The following KLF12 variants were observed in gnomAD, a reference collection of about 807,000 sequenced individuals.
KLF12 encodes the protein KLF transcription factor 12.
A neutral mutation model predicts 37.8 loss-of-function variants in KLF12; 9 were observed. The ratio of observed to expected loss-of-function variants is 0.24; its 90% CI spans 0.14 to 0.42. KLF12 has a LOEUF of 0.42. Ranked by LOEUF, KLF12 falls within the 10% of genes least tolerant of loss-of-function variation. KLF12 has a pLI of 1.00. For missense variants in KLF12, 411 were observed against 516.0 expected (o/e 0.80, Z 1.97); for synonymous variants, 208 against 202.1 (o/e 1.03, Z -0.25).
At chr13:74,134,735 G>C (rs958098889), upstream of KLF12, among the ~76,000 whole-genome samples, 27 of 152,148 alleles carry the variant, frequency 1.8e-4, no homozygotes, top group African/African-American at 6.5e-4. Flanking sequence ...GACTCGCGCC[G>C]AGCCGCGAGA....
the KLF12 span, among the ~76,000 whole-genome samples, chr13:74,303,947 C>T: frequency 5.3e-5 from 8 of 152,008 alleles, no homozygotes; most frequent in East Asian, 1.9e-4. Flanking sequence ...CTGTCTTGTG[C>T]GGCACAGTTG....
At chr13:74,224,881 A>G in the KLF12 span, among the ~76,000 whole-genome samples, 1 of 152,204 alleles carries the variant, frequency 6.6e-6, no homozygotes, top group Non-Finnish European at 1.5e-5. Context: ...TTTAATCTGC[A>G]TTATTACTTG....
intron 3 of KLF12, among the ~76,000 whole-genome samples, chr13:73,855,742 C>T: frequency 6.6e-6 from 1 of 152,080 alleles, no homozygotes; most frequent in Non-Finnish European, 1.5e-5. Context: ...CTCTGGGGGT[C>T]CCTCCAAAAT....
In KLF12 at chr13:73,688,912, C is replaced by G. The variant is rs555941021; in HGVS notation, c.*6578G>C. The G allele has an allele frequency of 6.6e-6, 1 of 152,062 alleles. No homozygotes were observed. The highest frequency in any genetic ancestry group is 1.5e-5 in the Non-Finnish European group (1 of 68,034). 9.4% of individuals were successfully genotyped at this position (152,062 alleles called of 1,614,324 possible). On this transcript the variant is annotated 3_prime_UTR_variant, in exon 8 of 8. Coordinates refer to ENST00000377669, the MANE Select transcript of KLF12 (RefSeq NM_007249.5). ...GTCAGAGATAGGCGGTTTCACTTTC[C>G]TACTCTGCCGTTTACTATTTCTACA...
chr13:74,265,915 C>G, the KLF12 span, among the ~76,000 whole-genome samples: 1 of 152,234 alleles, frequency 6.6e-6, no homozygotes, highest in African/African-American at 2.4e-5. Context: ...CCATCAATGA[C>G]TGAAATGGTA....
At chr13:74,132,556 G>GT (rs775873210) in intron 1 of KLF12, among the ~76,000 whole-genome samples, 1 of 152,154 alleles carries the variant, frequency 6.6e-6, no homozygotes, top group Non-Finnish European at 1.5e-5. Flanking sequence ...CATCTATACA[G>GT]TTAAATTAGA....
At chr13:74,168,040 T>G in the KLF12 span, among the ~76,000 whole-genome samples, 6 of 152,322 alleles carry the variant, frequency 3.9e-5, no homozygotes, top group South Asian at 1.0e-3. Flanking sequence ...CCAAAATTAG[T>G]TGGAGGGATT....
At chr13:74,013,634 C>T (rs954572863) in intron 1 of KLF12, among the ~76,000 whole-genome samples, 1 of 152,104 alleles carries the variant, frequency 6.6e-6, no homozygotes, top group African/African-American at 2.4e-5. Flanking sequence ...AAATTCTAAA[C>T]TATAAGGATC....
chr13:73,903,938 C>G (rs1288238701), intron 3 of KLF12, among the ~76,000 whole-genome samples: 1 of 152,186 alleles, frequency 6.6e-6, no homozygotes, highest in East Asian at 1.9e-4. Context: ...CACTCCCACA[C>G]CTTTGGTTCC....
At chr13:74,276,596 A>T in the KLF12 span, among the ~76,000 whole-genome samples, 2 of 152,106 alleles carry the variant, frequency 1.3e-5, no homozygotes, top group Admixed American at 6.6e-5. Flanking sequence ...AAGATACCTT[A>T]ATATTTATCT....
intron 1 of KLF12, among the ~76,000 whole-genome samples, chr13:74,099,814 C>T (rs529831232): frequency 1.5e-5 from 2 of 134,844 alleles, no homozygotes; most frequent in South Asian, 5.4e-4. Context: ...TGCTTCAACA[C>T]AGGATAAACA....
chr13:73,881,631 G>A (rs1353722997), intron 3 of KLF12, among the ~76,000 whole-genome samples: 5 of 151,820 alleles, frequency 3.3e-5, no homozygotes, highest in Admixed American at 6.6e-5. Context: ...CATCTCCTCT[G>A]TATAGACAGG....
the KLF12 span, among the ~76,000 whole-genome samples, chr13:74,249,382 ACACCCT>A: frequency 4.7e-5 from 7 of 150,018 alleles, no homozygotes; most frequent in Admixed American, 4.7e-4. Flanking sequence ...ACACACACGC[ACACCCT>A]CACTCAATGC....
At chr13:74,128,852 C>G (rs1233121502) in intron 1 of KLF12, among the ~76,000 whole-genome samples, 1 of 151,458 alleles carries the variant, frequency 6.6e-6, no homozygotes, top group African/African-American at 2.4e-5. Flanking sequence ...ACACGTGTGG[C>G]TTTTTACTGT....
chr13:73,948,932 T>C (rs921445712), intron 2 of KLF12, among the ~76,000 whole-genome samples: 1 of 152,218 alleles, frequency 6.6e-6, no homozygotes, highest in Non-Finnish European at 1.5e-5. Context: ...ATTTTGTCAT[T>C]ATCTTGGTAA....
At chr13:74,284,677 C>G in the KLF12 span, among the ~76,000 whole-genome samples, 3 of 152,168 alleles carry the variant, frequency 2.0e-5, no homozygotes, top group Non-Finnish European at 4.4e-5. Context: ...TCCAATGGCT[C>G]TAAGCCTGGT....
intron 2 of KLF12, among the ~76,000 whole-genome samples, chr13:73,984,788 T>TA (rs1891781443): frequency 6.6e-6 from 1 of 152,206 alleles, no homozygotes; most frequent in African/African-American, 2.4e-5. Context: ...AACAAAACGT[T>TA]ACGGATTCCT....
chr13:73,802,643 C>A (rs1281958353), intron 5 of KLF12, among the ~76,000 whole-genome samples: 1 of 152,044 alleles, frequency 6.6e-6, no homozygotes, highest in Non-Finnish European at 1.5e-5. Flanking sequence ...CTAGTAGTTC[C>A]CAGTGTCTAC....
At chr13:73,746,448 C>G (rs565000988) in intron 6 of KLF12, among the ~76,000 whole-genome samples, 1 of 152,170 alleles carries the variant, frequency 6.6e-6, no homozygotes, top group African/African-American at 2.4e-5. Context: ...AGCTTGAATT[C>G]TCTTCCAAAG....
Sources: gnomAD v4.1 joint callset for allele counts (sites outside exome capture counted in the v4.1 genomes callset) on GRCh38, gnomAD v4.1.1 for gene constraint, MANE v1.5 for transcripts, NCBI Gene and HGNC (gene_info 2026-07-23, HGNC 2026-07-21) for gene names.